The following CAP2 variants were observed in gnomAD, a reference collection of about 807,000 sequenced individuals.
The protein encoded by CAP2 is cyclase associated actin cytoskeleton regulatory protein 2.
In CAP2, 24 loss-of-function variants were observed where a neutral mutation model predicts 57.7. The observed-to-expected ratio is 0.42, with a 90% CI of 0.30 to 0.58. The LOEUF (loss-of-function observed/expected upper bound fraction) is 0.58. CAP2 is among the 20% of genes least tolerant of loss of function. CAP2 has a pLI of 0.22. For missense variants in CAP2, 501 were observed against 590.3 expected (o/e 0.85, Z 1.57); for synonymous variants, 194 against 207.2 (o/e 0.94, Z 0.55).
intron 7 of CAP2, among the ~76,000 whole-genome samples, chr6:17,524,324 G>A (rs1304452222): frequency 6.6e-6 from 1 of 152,150 alleles, no homozygotes; most frequent in African/African-American, 2.4e-5. Flanking sequence ...CTAAGTAAAT[G>A]TGTTCTATTT....
chr6:17,516,237 G>T (rs1002160471), intron 7 of CAP2, among the ~76,000 whole-genome samples: 7 of 152,146 alleles, frequency 4.6e-5, no homozygotes, highest in Non-Finnish European at 1.0e-4. Context: ...GTGCTTTACT[G>T]TGTGCTTTTG....
chr6:17,529,200 C>T (rs1762578499), intron 7 of CAP2, among the ~76,000 whole-genome samples: 3 of 152,058 alleles, frequency 2.0e-5, no homozygotes, highest in Admixed American at 2.0e-4. Flanking sequence ...TAGTTGTCTT[C>T]TAATAAAAGT....
At chr6:17,421,444 C>A in intron 1 of CAP2, 111 bp from the exon 2 acceptor site, 1 of 1,024,506 alleles carries the variant, frequency 9.8e-7, no homozygotes, top group Non-Finnish European at 1.5e-6. Context: ...AAAAATAAAG[C>A]CATCCCCAGT....
At chr6:17,495,141 A>G (rs1761633183) in intron 4 of CAP2, among the ~76,000 whole-genome samples, 1 of 152,132 alleles carries the variant, frequency 6.6e-6, no homozygotes, top group African/African-American at 2.4e-5. Context: ...AAATAAACAT[A>G]TCCTATTCAT....
At chr6:17,454,949 C>G (rs901996284) in intron 3 of CAP2, among the ~76,000 whole-genome samples, 3 of 152,064 alleles carry the variant, frequency 2.0e-5, no homozygotes, top group Admixed American at 1.3e-4. Flanking sequence ...AAGGATTGAA[C>G]GAAATGAGCC....
intron 4 of CAP2, among the ~76,000 whole-genome samples, chr6:17,504,338 G>C (rs1561807799): frequency 6.6e-6 from 1 of 152,170 alleles, no homozygotes; most frequent in Admixed American, 6.5e-5. Context: ...GGACAAGTGT[G>C]GTAATTGGTG....
intron 3 of CAP2, among the ~76,000 whole-genome samples, chr6:17,440,437 T>C (rs1760037148): frequency 6.6e-6 from 1 of 151,666 alleles, no homozygotes; most frequent in East Asian, 1.9e-4. Flanking sequence ...TTTTTCAGTA[T>C]ATAGTTATTT....
intron 4 of CAP2, among the ~76,000 whole-genome samples, chr6:17,478,179 A>G (rs1761199717): frequency 6.6e-6 from 1 of 151,252 alleles, no homozygotes; most frequent in South Asian, 2.1e-4. Flanking sequence ...CTGTTACCCA[A>G]GCTGGAGTGC....
intron 4 of CAP2, among the ~76,000 whole-genome samples, chr6:17,489,215 C>T (rs1261400427): frequency 1.3e-5 from 2 of 152,102 alleles, no homozygotes; most frequent in African/African-American, 2.4e-5. Flanking sequence ...GGGCACATCA[C>T]GAGGTCAGGA....
chr6:17,467,731 G>A (rs1375874172), intron 4 of CAP2, among the ~76,000 whole-genome samples: 1 of 152,056 alleles, frequency 6.6e-6, no homozygotes, highest in South Asian at 2.1e-4. Flanking sequence ...CACTATGTTG[G>A]TCAGGCTGGT....
Position 17,551,641 on chromosome 6 carries a change from G to A in CAP2, c.1350+37G>A, listed in dbSNP as rs757033599. Reference sequence around the variant, plus strand: ...TCAAAAGGCTGTCAAGAATTTTTCTGGAGCCTTCATTATTAACATTCTTAG... The same window carrying A: ...TCAAAAGGCTGTCAAGAATTTTTCTAGAGCCTTCATTATTAACATTCTTAG... On this transcript the variant is annotated intron_variant, in intron 12 of 12. Transcript: ENST00000229922. The A allele has an allele frequency of 3.3e-6, 5 of 1,504,772 alleles. No individual in the cohort carries two copies. In the East Asian group the frequency reaches 1.2e-4, roughly 35 times the overall value. 93.2% of individuals were successfully genotyped at this position (1,504,772 alleles called of 1,614,324 possible). A position where few individuals can be genotyped will look rare whatever the true frequency, so the allele number is the denominator to read the frequency against.
At position 17,543,155 on chromosome 6, in the gene CAP2, C is replaced by G. The variant is rs1561822787; in HGVS notation, c.1209+12C>G. 6.2e-7 allele frequency: 1 copy of G among 1,604,436 alleles called. No homozygotes were observed. Among genetic ancestry groups the G allele is most frequent in the African/African-American group, 1.3e-5 (1 of 74,720 alleles). On this transcript the variant is annotated intron_variant, in intron 11 of 12. Transcript: ENST00000229922. ...ACATTCAAATCCAGGTAAGCAGAGC[C>G]TTTCCAACCATGCTGTAATAAGCAG...
At chr6:17,551,696 G>A in intron 12 of CAP2, 92 bp downstream of exon 12, 1 of 987,048 alleles carries the variant, frequency 1.0e-6, no homozygotes, top group Non-Finnish European at 1.5e-6. Context: ...CAACCTGCGA[G>A]CTTTATTTGT....
chr6:17,539,675 A>G (rs1285540445), intron 8 of CAP2, among the ~76,000 whole-genome samples: 1 of 152,202 alleles, frequency 6.6e-6, no homozygotes, highest in Non-Finnish European at 1.5e-5. Flanking sequence ...AGAAAGAAGT[A>G]TTCAGAGACT....
chr6:17,409,119 C>T (rs972811360), intron 1 of CAP2, among the ~76,000 whole-genome samples: 16 of 149,722 alleles, frequency 1.1e-4, no homozygotes, highest in African/African-American at 3.9e-4. Flanking sequence ...CGCCTGTAAT[C>T]CCAGCACTTT....
At chr6:17,483,962 T>C (rs947704875) in intron 4 of CAP2, among the ~76,000 whole-genome samples, 3 of 151,792 alleles carry the variant, frequency 2.0e-5, no homozygotes, top group African/African-American at 7.3e-5. Context: ...TTCTGGTCAC[T>C]TCTGCTTGGA....
chr6:17,549,501 A>G (rs938679047), intron 11 of CAP2, among the ~76,000 whole-genome samples: 8 of 152,150 alleles, frequency 5.3e-5, no homozygotes, highest in African/African-American at 1.9e-4. Flanking sequence ...AAGGCTAACA[A>G]TCTGATAGAA....
At chr6:17,499,577 C>T in intron 4 of CAP2, among the ~76,000 whole-genome samples, 1 of 149,044 alleles carries the variant, frequency 6.7e-6, no homozygotes, top group Non-Finnish European at 1.5e-5. Context: ...AGCTCCGGCA[C>T]GGTGGCTCAC....
chr6:17,483,379 T>C (rs901650928), intron 4 of CAP2, among the ~76,000 whole-genome samples: 4 of 152,202 alleles, frequency 2.6e-5, no homozygotes, highest in East Asian at 1.9e-4. Context: ...TGGACAGTCA[T>C]ATGAAAATCT....
Sources: gnomAD v4.1 joint callset for allele counts (sites outside exome capture counted in the v4.1 genomes callset) on GRCh38, gnomAD v4.1.1 for gene constraint, MANE v1.5 for transcripts, NCBI Gene and HGNC (gene_info 2026-07-23, HGNC 2026-07-21) for gene names.